The following MAGED1 variants were observed in gnomAD, a reference collection of about 807,000 sequenced individuals.
MAGED1 encodes melanoma-associated antigen D1.
MAGED1 carries 3 observed loss-of-function variants against 54.1 expected under a neutral mutation model. The observed-to-expected ratio is 0.06, with a 90% confidence interval of 0.03 to 0.14. MAGED1 has a LOEUF of 0.14. Among genes scored for constraint, MAGED1 ranks in the 10% least tolerant of loss-of-function variants. The probability of loss-of-function intolerance (pLI) is 1.00; values close to 1 mark genes in which losing one functional copy is unlikely to be tolerated. For synonymous variants in MAGED1, 217 were observed against 227.3 expected (o/e 0.95, Z 0.41); for missense variants, 485 against 623.4 (o/e 0.78, Z 2.36).
chrX:51,864,187 AGAGTGT>A (rs1268600432), intron 1 of MAGED1, among the ~76,000 whole-genome samples: 13 of 95,596 alleles, frequency 1.4e-4, no homozygotes, highest in African/African-American at 4.8e-4. Flanking sequence ...AGAGAGAGAG[AGAGTGT>A]GTGTGTGTGT....
chrX:51,863,771 T>C (rs1927364053), intron 1 of MAGED1, among the ~76,000 whole-genome samples: 1 of 112,078 alleles, frequency 8.9e-6, no homozygotes, highest in Admixed American at 9.4e-5. Context: ...CATTTGTATG[T>C]CTTCCTTGGA....
Position 51,894,327 on chromosome X carries a change from G to T in MAGED1, c.23G>T (p.Gly8Val). The T allele has an allele frequency of 8.3e-7, 1 of 1,203,813 alleles. No homozygotes were observed. The highest frequency in any genetic ancestry group is 2.2e-5 in the Admixed American group (1 of 45,617). Residue 8 changes from glycine (G) to valine (V), a missense_variant, in exon 2 of 13, where the codon GGT becomes GTT. Physicochemically the swap from Gly to Val is moderately radical, Grantham distance 109. Coordinates refer to ENST00000326587, the MANE Select transcript of MAGED1 (RefSeq NM_006986.4). ...GCCATGGCTCAGAAAATGGACTGTG[G>T]TGCGGGCCTCCTCGGCTTCCAGGTG... The part of the protein sequence containing the change: MAQKMDC[G>V]AGLLGFQAEA...
At chrX:51,891,964 T>C (rs1482026556), upstream of MAGED1, among the ~76,000 whole-genome samples, 1 of 112,178 alleles carries the variant, frequency 8.9e-6, no homozygotes, top group African/African-American at 3.2e-5. Flanking sequence ...CAGAGGAGGT[T>C]GCTATGCAAC....
intron 1 of MAGED1, among the ~76,000 whole-genome samples, chrX:51,817,951 A>G (rs1569555429): frequency 1.8e-5 from 2 of 111,999 alleles, no homozygotes; most frequent in Non-Finnish European, 1.9e-5. Context: ...ATTGAAGCCC[A>G]TTTACGCTAT....
At chrX:51,897,507 C>A in intron 5 of MAGED1, 40 bp from the exon 6 acceptor site, 1 of 1,072,105 alleles carries the variant, frequency 9.3e-7, no homozygotes, top group Non-Finnish European at 1.3e-6. Context: ...TGCTCTGTGG[C>A]CCCCGCTCGG....
At chrX:51,871,541 C>G (rs1378147331) in intron 1 of MAGED1, among the ~76,000 whole-genome samples, 5 of 110,393 alleles carry the variant, frequency 4.5e-5, no homozygotes, top group East Asian at 2.9e-4. Context: ...TTTGTCCTTG[C>G]AATAGTTTGC....
At chrX:51,847,822 A>G (rs1926741170) in intron 1 of MAGED1, among the ~76,000 whole-genome samples, 1 of 112,108 alleles carries the variant, frequency 8.9e-6, no homozygotes, top group African/African-American at 3.2e-5. Flanking sequence ...TATGTCATAT[A>G]CCAAATATGG....
At chrX:51,806,444 A>G (rs530242067) in intron 1 of MAGED1, among the ~76,000 whole-genome samples, 1 of 112,291 alleles carries the variant, frequency 8.9e-6, no homozygotes, top group African/African-American at 3.2e-5. Flanking sequence ...TTAAAAAGTA[A>G]CACAGTTTGT....
rs782673587 is a variant in MAGED1, at chrX:51,873,800, T to G, written c.-36-20469T>G. Among the ~76,000 whole-genome samples the G allele has an allele frequency of 8.1e-5, 9 of 110,979 alleles. No homozygotes were observed. The East Asian group carries it at 1.4e-3, about 18-fold the overall frequency. On this transcript the variant is annotated intron_variant, in intron 1 of 12. Coordinates refer to the MAGED1 transcript ENST00000375772. ...AGGTACCTTCTGGTTGAAGGATGCC[T>G]GCTGCAACTCTGGCCATCATTTCTA...
At chrX:51,851,159 CACTTA>C (rs1926878791) in intron 1 of MAGED1, among the ~76,000 whole-genome samples, 1 of 111,693 alleles carries the variant, frequency 9.0e-6, no homozygotes, top group African/African-American at 3.3e-5. Context: ...CAAGTTACTG[CACTTA>C]ACTTCTCAGA....
chrX:51,845,228 C>T (rs1046170993), intron 1 of MAGED1, among the ~76,000 whole-genome samples: 2 of 110,928 alleles, frequency 1.8e-5, no homozygotes, highest in South Asian at 3.8e-4. Flanking sequence ...TCCAGCCTGG[C>T]GACAGAGTGA....
At chrX:51,900,998 T>C (rs1928997694) in intron 11 of MAGED1, among the ~76,000 whole-genome samples, 1 of 112,467 alleles carries the variant, frequency 8.9e-6, no homozygotes, top group Admixed American at 9.4e-5. Context: ...TATGATGTTT[T>C]GATAATACAT....
At chrX:51,831,790 C>G (rs1926079042) in intron 1 of MAGED1, among the ~76,000 whole-genome samples, 1 of 111,014 alleles carries the variant, frequency 9.0e-6, no homozygotes, top group Non-Finnish European at 1.9e-5. Flanking sequence ...TCACTGGGCT[C>G]TATGGGTAAC....
intron 1 of MAGED1, among the ~76,000 whole-genome samples, chrX:51,809,836 G>A (rs782508344): frequency 9.0e-6 from 1 of 110,999 alleles, no homozygotes; most frequent in South Asian, 3.8e-4. Context: ...GAAAAATGGT[G>A]ATATTTAATT....
chrX:51,850,409 C>CAT (rs1319093718), intron 1 of MAGED1, among the ~76,000 whole-genome samples: 1 of 112,104 alleles, frequency 8.9e-6, no homozygotes, highest in African/African-American at 3.2e-5. Context: ...TGGTTCTGAG[C>CAT]ATTTGTGAAA....
chrX:51,860,187 C>G (rs1349137571), intron 1 of MAGED1, among the ~76,000 whole-genome samples: 1 of 110,753 alleles, frequency 9.0e-6, no homozygotes, highest in Non-Finnish European at 1.9e-5. Context: ...ATCGCTTGAA[C>G]CTGGGAGGGG....
intron 5 of MAGED1, 119 bp from the exon 6 acceptor site, chrX:51,897,428 A>C: frequency 2.6e-6 from 2 of 754,876 alleles, no homozygotes; most frequent in Admixed American, 2.5e-5. Context: ...CCTCCTTTCC[A>C]TGGTTGGCTC....
At chrX:51,856,814 C>T (rs563297637) in intron 1 of MAGED1, among the ~76,000 whole-genome samples, 81 of 111,438 alleles carry the variant, frequency 7.3e-4, no homozygotes, top group African/African-American at 2.5e-3. Context: ...TTGTTACAGG[C>T]ACAGTACTGC....
At chrX:51,811,614 G>C (rs1013326666) in intron 1 of MAGED1, among the ~76,000 whole-genome samples, 1 of 111,553 alleles carries the variant, frequency 9.0e-6, no homozygotes, top group Non-Finnish European at 1.9e-5. Context: ...GATTCTAGAG[G>C]TCACAAAGAA....
Sources: gnomAD v4.1 joint callset for allele counts (sites outside exome capture counted in the v4.1 genomes callset) on GRCh38, gnomAD v4.1.1 for gene constraint, MANE v1.5 for transcripts, NCBI Gene and HGNC (gene_info 2026-07-23, HGNC 2026-07-21) for gene names.